SLC29A3: variants seen among roughly 807,000 people sequenced by gnomAD.
SLC29A3 encodes the protein solute carrier family 29 member 3, also known as equilibrative nucleoside transporter 3.
A neutral mutation model predicts 25.4 loss-of-function variants in SLC29A3; 18 were observed. The observed-to-expected ratio is 0.71, with a 90% CI of 0.49 to 1.05. The LOEUF is 1.05. Ranked by LOEUF, SLC29A3 falls within the 50% of genes least tolerant of loss-of-function variation. The pLI is 0.00. For synonymous variants in SLC29A3, 258 were observed against 267.1 expected, an observed-to-expected ratio of 0.97 and a Z score of 0.33; for missense variants, 586 against 609.0, an observed-to-expected ratio of 0.96 and a Z score of 0.40.
At chr10:71,378,396 T>C (rs1480642823) in intron 4 of SLC29A3, among the ~76,000 whole-genome samples, 1 of 152,182 alleles carries the variant, frequency 6.6e-6, no homozygotes, top group African/African-American at 2.4e-5. Flanking sequence ...ATAGGGCTTT[T>C]CTGGCCATAG....
chr10:71,335,804 G>T (rs929753202), intron 2 of SLC29A3, among the ~76,000 whole-genome samples: 8 of 152,178 alleles, frequency 5.3e-5, no homozygotes, highest in Admixed American at 4.6e-4. Flanking sequence ...TGAAGAGACG[G>T]ATGTATGGGT....
chr10:71,331,307 G>A (rs937011151), intron 2 of SLC29A3, among the ~76,000 whole-genome samples: 1 of 152,174 alleles, frequency 6.6e-6, no homozygotes, highest in Non-Finnish European at 1.5e-5. Flanking sequence ...AGGATGGGGG[G>A]AGAGACAGAG....
In SLC29A3 at chr10:71,356,068, C is replaced by G. The variant is rs1436636899; in HGVS notation, c.611-13C>G. On this transcript the variant is annotated splice_polypyrimidine_tract_variant and intron_variant, in intron 4 of 5. Coordinates refer to ENST00000373189, the MANE Select transcript of SLC29A3 (RefSeq NM_018344.6). The stretch of plus-strand genomic sequence containing the variant: ...ACCCCTCACCATCTCTGCGTGTCCT[C>G]TGTTCTCTGCAGGAGGAGCCATGGG... 5 of 1,613,614 alleles carry G rather than the reference C, an allele frequency of 3.1e-6. No homozygotes were observed. In the Admixed American group the frequency reaches 5.0e-5, roughly 16 times the overall value.
chr10:71,343,360 C>G (rs1290016088), intron 2 of SLC29A3, among the ~76,000 whole-genome samples: 1 of 152,248 alleles, frequency 6.6e-6, no homozygotes, highest in African/African-American at 2.4e-5. Context: ...TTCACAGACA[C>G]ATACAGCTGC....
rs552505838 is a variant in SLC29A3 at position 71,355,787 on chromosome 10, G to A, written c.611-294G>A. Among the ~76,000 whole-genome samples, 50 of 152,304 alleles carry A rather than the reference G, an allele frequency of 3.3e-4. No individual in the cohort carries two copies. The East Asian group carries it at 8.9e-3, about 27-fold the overall frequency. On this transcript the variant is annotated intron_variant, in intron 4 of 5. Transcript: ENST00000373189. ...AGGTTGAGGGTCAGAGGTGAAACAGGAAAGGCAGAGGACTGGTGGTCCCCT... is the reference window on the plus strand; with the variant it reads ...AGGTTGAGGGTCAGAGGTGAAACAGAAAAGGCAGAGGACTGGTGGTCCCCT...
intron 5 of SLC29A3, among the ~76,000 whole-genome samples, chr10:71,356,457 G>A (rs1846915058): frequency 6.6e-6 from 1 of 152,206 alleles, no homozygotes; most frequent in Non-Finnish European, 1.5e-5. Context: ...GTGAATAATA[G>A]TTCACACTGG....
At chr10:71,355,280 C>T (rs1009906368) in intron 4 of SLC29A3, among the ~76,000 whole-genome samples, 8 of 152,208 alleles carry the variant, frequency 5.3e-5, no homozygotes, top group Admixed American at 2.6e-4. Context: ...CTCCTAGCCC[C>T]GTTGGCACCC....
At chr10:71,327,778 G>C (rs1846005306) in intron 2 of SLC29A3, among the ~76,000 whole-genome samples, 1 of 139,786 alleles carries the variant, frequency 7.2e-6, no homozygotes, top group Non-Finnish European at 1.5e-5. Flanking sequence ...CCCCTGGTCT[G>C]GCCTCCTTTT....
At chr10:71,322,285 C>G (rs1171105161) in intron 1 of SLC29A3, among the ~76,000 whole-genome samples, 3 of 152,134 alleles carry the variant, frequency 2.0e-5, no homozygotes, top group Non-Finnish European at 4.4e-5. Context: ...GTAGCATATT[C>G]TACACACCAT....
chr10:71,335,219 C>G (rs189713221), intron 2 of SLC29A3, among the ~76,000 whole-genome samples: 15 of 152,124 alleles, frequency 9.9e-5, no homozygotes, highest in Non-Finnish European at 2.9e-5. Context: ...TACTGTTTGG[C>G]GTTGAGAAGC....
At chr10:71,358,279 C>T (rs541111477) in intron 5 of SLC29A3, among the ~76,000 whole-genome samples, 1 of 152,288 alleles carries the variant, frequency 6.6e-6, no homozygotes, top group East Asian at 1.9e-4. Context: ...CCCCTAGAAC[C>T]CCCAGCCTTT....
intron 5 of SLC29A3, among the ~76,000 whole-genome samples, chr10:71,357,230 A>G (rs937339443): frequency 3.3e-5 from 5 of 152,114 alleles, no homozygotes; most frequent in Admixed American, 1.3e-4. Context: ...CCTGGCTAAC[A>G]CAGTGAAACC....
At chr10:71,376,352 C>G (rs1847251754) in intron 4 of SLC29A3, among the ~76,000 whole-genome samples, 1 of 151,950 alleles carries the variant, frequency 6.6e-6, no homozygotes, top group Non-Finnish European at 1.5e-5. Flanking sequence ...AAATTGCAGG[C>G]TCTGGACTTG....
intron 3 of SLC29A3, among the ~76,000 whole-genome samples, chr10:71,347,313 G>A (rs887906730): frequency 3.9e-5 from 6 of 152,150 alleles, no homozygotes; most frequent in Admixed American, 6.5e-5. Context: ...GAGCCCTCAC[G>A]AGTCAGGGAG....
chr10:71,320,431 G>A (rs1486236777), intron 1 of SLC29A3, among the ~76,000 whole-genome samples: 1 of 152,144 alleles, frequency 6.6e-6, no homozygotes, highest in African/African-American at 2.4e-5. Flanking sequence ...TCTGGAGGCT[G>A]GGAAGGGCAA....
At chr10:71,340,539 G>A (rs1846375680) in intron 2 of SLC29A3, among the ~76,000 whole-genome samples, 1 of 152,166 alleles carries the variant, frequency 6.6e-6, no homozygotes, top group African/African-American at 2.4e-5. Context: ...GACTTTTGAG[G>A]GAGCTCTCAG....
At chr10:71,333,652 G>A (rs937646743) in intron 2 of SLC29A3, among the ~76,000 whole-genome samples, 2 of 152,268 alleles carry the variant, frequency 1.3e-5, no homozygotes, top group African/African-American at 4.8e-5. Flanking sequence ...CCCTCTGGGG[G>A]ATGCAGAAGC....
At position 71,322,871 on chromosome 10, in the gene SLC29A3, G is replaced by A. The variant is rs369344337; in HGVS notation, c.117G>A (p.Pro39=). The change falls in exon 2 of 6, where the codon CCG becomes CCA. Residue 39 remains proline, a synonymous_variant. Transcript: ENST00000373189. The part of the protein sequence containing the change: ...EALLEKLLDR[P]PPGLQRPEDR... Reference sequence around the variant, plus strand: ...TGCTTGAGAAGCTGCTGGACCGCCCGCCCCCTGGCCTGCAGAGGCCCGAGG... The same window carrying A: ...TGCTTGAGAAGCTGCTGGACCGCCCACCCCCTGGCCTGCAGAGGCCCGAGG... 3.3e-5 allele frequency: 53 copies of A among 1,614,070 alleles called. No individual in the cohort carries two copies. Among genetic ancestry groups the A allele is most frequent in the African/African-American group, 2.4e-4 (18 of 74,934 alleles).
chr10:71,352,835 C>T (rs1429031915), intron 4 of SLC29A3: 1 of 152,298 alleles, frequency 6.6e-6, no homozygotes, highest in Non-Finnish European at 1.5e-5. Context: ...AGGAGCGGGT[C>T]AGGAACCATT....
Sources: gnomAD v4.1 joint callset for allele counts (sites outside exome capture counted in the v4.1 genomes callset) on GRCh38, gnomAD v4.1.1 for gene constraint, MANE v1.5 for transcripts, NCBI Gene and HGNC (gene_info 2026-07-23, HGNC 2026-07-21) for gene names.